Variants in UBTF observed in about 807,000 individuals in gnomAD.
UBTF encodes upstream binding transcription factor.
UBTF carries 8 observed loss-of-function variants against 112.3 expected under a neutral mutation model. The ratio of observed to expected loss-of-function variants is 0.07; its 90% CI spans 0.04 to 0.13. The LOEUF (loss-of-function observed/expected upper bound fraction) is 0.13. Among genes scored for constraint, UBTF ranks in the 10% least tolerant of loss-of-function variants. UBTF has a pLI of 1.00. For synonymous variants in UBTF, 417 were observed against 373.1 expected, an observed-to-expected ratio of 1.12 and a Z score of -1.36; for missense variants, 457 against 982.1, an observed-to-expected ratio of 0.47 and a Z score of 7.15.
upstream of UBTF, among the ~76,000 whole-genome samples, chr17:44,220,218 G>A (rs987678346): frequency 2.0e-5 from 3 of 151,976 alleles, no homozygotes; most frequent in African/African-American, 7.2e-5. Flanking sequence ...CGCCGGCGAG[G>A]GAGGGCCGAG....
rs1316689321 is a variant in UBTF, at chr17:44,215,658, T to C, written c.470A>G (p.Lys157Arg). The C allele has an allele frequency of 6.2e-7, 1 of 1,613,940 alleles. No individual in the cohort carries two copies. The highest frequency in any genetic ancestry group is 8.5e-7 in the Non-Finnish European group (1 of 1,179,988). The part of the protein sequence containing the change: ...SKKYKELPEK[K>R]KMKYIQDFQR... ...CCTTAACTCTCCTCCCCCCACCTTC[T>C]TCTTCTCCGGAAGCTCCTTGTATTT... Residue 157 changes from lysine to arginine, a missense_variant, in exon 5 of 21, where the codon AAG (lysine) becomes AGG (arginine). Coordinates refer to ENST00000436088, the MANE Select transcript of UBTF (RefSeq NM_014233.4).
rs1236994109 is a variant in UBTF at position 44,218,264 on chromosome 17, G to A, written c.-35C>T. On this transcript the variant is annotated 5_prime_UTR_variant, in exon 2 of 21. Coordinates refer to ENST00000436088, the MANE Select transcript of UBTF (RefSeq NM_014233.4). ...GTCCAGCCACCTCCTCGGTCGTGCTGGCCGGGCAACCCGGGGTCAAAGCCA... is the reference window on the plus strand; with the variant it reads ...GTCCAGCCACCTCCTCGGTCGTGCTAGCCGGGCAACCCGGGGTCAAAGCCA... 6.2e-7 allele frequency: 1 copy of A among 1,610,540 alleles called. No homozygotes were observed. The highest frequency in any genetic ancestry group is 8.5e-7 in the Non-Finnish European group (1 of 1,179,306).
intron 5 of UBTF, 45 bp downstream of exon 5, chr17:44,215,609 C>A: frequency 6.2e-7 from 1 of 1,607,860 alleles, no homozygotes. Flanking sequence ...ACACCAGCTG[C>A]TCCCAGCCTC....
intron 13 of UBTF, 86 bp downstream of exon 13, chr17:44,210,705 CA>C (rs2056612975): frequency 6.6e-7 from 1 of 1,518,112 alleles, no homozygotes. Context: ...CTCAGGCGGC[CA>C]GGGGCGAGGT....
At chr17:44,216,767 GTTC>G in intron 2 of UBTF, 63 bp from the exon 3 acceptor site, 1 of 1,538,398 alleles carries the variant, frequency 6.5e-7, no homozygotes, top group Non-Finnish European at 9.0e-7. Context: ...CTGTTCCCCA[GTTC>G]TTGAGTGCTC....
chr17:44,218,594 CAAAA>C (rs71160095), intron 1 of UBTF: 32 of 83,996 alleles, frequency 3.8e-4, no homozygotes, highest in East Asian at 1.5e-3. Flanking sequence ...CAACCCCAGC[CAAAA>C]AAAAAAAAAA....
Position 44,207,471 on chromosome 17 carries a change from T to A in UBTF, c.2152A>T (p.Ser718Cys), listed in dbSNP as rs766975853. ...DSSESSSEDESEDGDENEEDD... is the reference protein window; with the variant it reads ...DSSESSSEDECEDGDENEEDD... The stretch of plus-strand genomic sequence containing the variant: ...TGCCCCACCTCATCCCCATCCTCGC[T>A]CTCGTCCTCGCTGCTGGACTCAGAG... The change falls in exon 20 of 21, where the codon AGC becomes TGC. Residue 718 changes from serine (S) to cysteine (C), a missense_variant. Physicochemically the swap from Ser to Cys is moderately radical, Grantham distance 112. Transcript: ENST00000436088. The A allele has an allele frequency of 6.2e-7, 1 of 1,613,846 alleles. No homozygotes were observed. The highest frequency in any genetic ancestry group is 8.5e-7 in the Non-Finnish European group (1 of 1,179,922).
In UBTF at chr17:44,207,763, T is replaced by G; in HGVS notation, c.1961A>C (p.Lys654Thr). The G allele has an allele frequency of 6.2e-7, 1 of 1,614,182 alleles. No homozygotes were observed. Among genetic ancestry groups the G allele is most frequent in the Non-Finnish European group, 8.5e-7 (1 of 1,180,034 alleles). ...TGGGCCTCGCAGCTTGGTCATGCTCTTACGTTTCTGCAGGATGGGGACACA... is the reference window on the plus strand; with the variant it reads ...TGGGCCTCGCAGCTTGGTCATGCTCGTACGTTTCTGCAGGATGGGGACACA... ...AYKEYISNKR[K>T]SMTKLRGPNP... Residue 654 changes from lysine (K) to threonine (T), a missense_variant, in exon 19 of 21, where the codon AAG (lysine) becomes ACG (threonine). Around this residue, in one of 7 missense-constraint regions of UBTF, gnomAD observed 139 missense variants for 157.5 expected, o/e 0.88. Coordinates refer to ENST00000436088, the MANE Select transcript of UBTF (RefSeq NM_014233.4).
At chr17:44,220,443 C>G (rs1312838966), upstream of UBTF, among the ~76,000 whole-genome samples, 1 of 152,014 alleles carries the variant, frequency 6.6e-6, no homozygotes, top group South Asian at 2.1e-4. Context: ...ACGCCGATCG[C>G]GGCGTCCAGC....
upstream of UBTF, chr17:44,221,216 G>C (rs1327004862): frequency 6.6e-6 from 1 of 152,232 alleles, no homozygotes; most frequent in Non-Finnish European, 1.5e-5. Context: ...GAGCCGCCGG[G>C]AGGGCTAGGG....
At position 44,217,004 on chromosome 17, in the gene UBTF, G is replaced by C. The variant is rs1190073872; in HGVS notation, c.59-300C>G. ...AAGCTGCAACGGGCAGCTATTTGCT[G>C]TAAGGGGAAGAGGGGTGGAAATGAA... On this transcript the variant is annotated intron_variant, in intron 2 of 20. Transcript: ENST00000436088. 2.0e-5 allele frequency among the ~76,000 whole-genome samples: 3 copies of C among 152,342 alleles called. No individual in the cohort carries two copies. In the East Asian group the frequency reaches 5.8e-4, roughly 29 times the overall value.
Position 44,211,546 on chromosome 17 carries a change from G to A in UBTF, c.1047+60C>T. 1.9e-6 allele frequency: 3 copies of A among 1,579,432 alleles called. No homozygotes were observed. Among genetic ancestry groups the A allele is most frequent in the Non-Finnish European group, 8.6e-7 (1 of 1,163,244 alleles). Reference sequence around the variant, plus strand: ...CGCCACCAGGGACTGACTGGCCCAAGATGGGATCAGACCTCATGCTTCAAA... The same window carrying A: ...CGCCACCAGGGACTGACTGGCCCAAAATGGGATCAGACCTCATGCTTCAAA... On this transcript the variant is annotated intron_variant, in intron 10 of 20. Transcript: ENST00000436088. The surrounding 1 kb of genome is among the most constrained non-coding windows in gnomAD (Gnocchi z 4.9).
chr17:44,207,662 C>G (rs1567786976), intron 19 of UBTF, 37 bp downstream of exon 19: 4 of 1,614,094 alleles, frequency 2.5e-6, no homozygotes, highest in Admixed American at 3.3e-5. Context: ...GCAGTGCCCC[C>G]CGCCCCACGC....
In UBTF at chr17:44,206,291, CAG is replaced by C. The variant is rs2144518553; in HGVS notation, c.*949_*950del. On this transcript the variant is annotated 3_prime_UTR_variant, in exon 21 of 21. Transcript: ENST00000436088. ...TAATGGAATCAGAGACTGGGCAAAA[CAG>C]AGGATGTGGAGAACGGGGCAGCCTC... is the stretch of plus-strand genomic sequence containing the variant. 2 of 151,958 alleles carry C rather than the reference CAG, an allele frequency of 1.3e-5. No individual in the cohort carries two copies. Among genetic ancestry groups the C allele is most frequent in the South Asian group, 4.2e-4 (2 of 4,796 alleles). 9.4% of individuals were successfully genotyped at this position (151,958 alleles called of 1,614,324 possible). A position where few individuals can be genotyped will look rare whatever the true frequency, so the allele number is the denominator to read the frequency against.
intron 5 of UBTF, among the ~76,000 whole-genome samples, chr17:44,213,837 C>T (rs909092070): frequency 6.6e-6 from 1 of 152,176 alleles, no homozygotes; most frequent in Non-Finnish European, 1.5e-5. Context: ...GCCAGCTACC[C>T]TGCATCTTCC....
chr17:44,210,641 C>A, intron 13 of UBTF, 151 bp downstream of exon 13: 1 of 1,382,034 alleles, frequency 7.2e-7, no homozygotes. Flanking sequence ...TGACAGCTTC[C>A]CGCCTTCCGG....
At position 44,216,223 on chromosome 17, in the gene UBTF, A is replaced by G. The variant is rs531130962; in HGVS notation, c.235-234T>C. The G allele has an allele frequency of 8.4e-5, 51 of 604,044 alleles. No homozygotes were observed. The South Asian group carries it at 9.6e-4, about 11-fold the overall frequency. The allele number at this position is 604,044 out of a possible 1,614,324, so 37.4% of individuals were successfully genotyped here. On this transcript the variant is annotated intron_variant, in intron 3 of 20. Transcript: ENST00000436088. ...ACCAAAGGCCAGCAACAAGGGGACT[A>G]ACTGACCTCAACCTGGTTGTCCATG...
chr17:44,211,206 T>G lies in UBTF; in HGVS notation c.1090-54A>C. The G allele has an allele frequency of 6.2e-7, 1 of 1,613,440 alleles. No homozygotes were observed. The highest frequency in any genetic ancestry group is 1.1e-5 in the South Asian group (1 of 91,076). ...CATGCCTGGCACCCAGACTGCATGG[T>G]GCCCTATCTCCAGGGGCTCACCAGG... On this transcript the variant is annotated intron_variant, in intron 11 of 20. Transcript: ENST00000436088. The surrounding 1 kb of genome is among the most constrained non-coding windows in gnomAD (Gnocchi z 4.9).
chr17:44,213,517 A>G (rs565217018), intron 5 of UBTF, among the ~76,000 whole-genome samples: 1 of 152,154 alleles, frequency 6.6e-6, no homozygotes, highest in African/African-American at 2.4e-5. Context: ...CCTACATCCT[A>G]TTCTCTCCTT....
Sources: gnomAD v4.1 joint callset for allele counts (sites outside exome capture counted in the v4.1 genomes callset) on GRCh38, gnomAD v4.1.1 for gene constraint, gnomAD v4.1.1 regional missense constraint, Gnocchi (gnomAD v3.1) non-coding constraint, MANE v1.5 for transcripts, NCBI Gene and HGNC (gene_info 2026-07-23, HGNC 2026-07-21) for gene names.